Variants in PALM2AKAP2 observed in about 807,000 individuals in gnomAD.
PALM2AKAP2 encodes the protein PALM2 and AKAP2 fusion, also known as PALM2-AKAP2 fusion protein.
A neutral mutation model predicts 71.5 loss-of-function variants in PALM2AKAP2; 37 were observed. The observed-to-expected ratio is 0.52, with a 90% CI of 0.40 to 0.68. The LOEUF is 0.68. Among genes scored for constraint, PALM2AKAP2 ranks in the 30% least tolerant of loss-of-function variants. The pLI, the probability that PALM2AKAP2 is intolerant of heterozygous loss-of-function variation, is 0.00. For synonymous variants in PALM2AKAP2, 468 were observed against 478.8 expected (o/e 0.98, Z 0.29); for missense variants, 1,224 against 1,191.8 (o/e 1.03, Z -0.40).
chr9:109,827,077 C>A (rs1828170098), intron 1 of PALM2AKAP2, among the ~76,000 whole-genome samples: 1 of 152,124 alleles, frequency 6.6e-6, no homozygotes, highest in Admixed American at 6.5e-5. Flanking sequence ...TAGTGTGTCA[C>A]CATAGACTCT....
intron 2 of PALM2AKAP2, among the ~76,000 whole-genome samples, chr9:110,154,645 T>G (rs1034478228): frequency 6.6e-6 from 1 of 152,212 alleles, no homozygotes; most frequent in Non-Finnish European, 1.5e-5. Flanking sequence ...GAAATACTTA[T>G]TATTGTACTG....
chr9:110,081,907 G>A (rs945037309), intron 1 of PALM2AKAP2, among the ~76,000 whole-genome samples: 7 of 152,098 alleles, frequency 4.6e-5, no homozygotes, highest in African/African-American at 1.4e-4. Context: ...ATGCTAAATA[G>A]CCCCAGTTCC....
At chr9:110,002,149 G>C (rs1376854204) in intron 6 of PALM2AKAP2, among the ~76,000 whole-genome samples, 1 of 152,114 alleles carries the variant, frequency 6.6e-6, no homozygotes, top group Non-Finnish European at 1.5e-5. Context: ...TTGGCTGTGG[G>C]TTTGTCATAG....
intron 1 of PALM2AKAP2, among the ~76,000 whole-genome samples, chr9:110,100,337 G>A (rs574908178): frequency 1.2e-4 from 19 of 152,206 alleles, no homozygotes; most frequent in Non-Finnish European, 2.5e-4. Context: ...GCTGATATCT[G>A]TCTACATGTT....
At chr9:110,102,199 C>A (rs530077750) in intron 1 of PALM2AKAP2, among the ~76,000 whole-genome samples, 8 of 152,152 alleles carry the variant, frequency 5.3e-5, no homozygotes, top group Non-Finnish European at 1.0e-4. Context: ...CTTTGTGTCT[C>A]CTCTGCATTT....
intron 1 of PALM2AKAP2, among the ~76,000 whole-genome samples, chr9:109,858,741 C>G (rs1416072291): frequency 6.6e-6 from 1 of 152,188 alleles, no homozygotes; most frequent in Non-Finnish European, 1.5e-5. Context: ...TTTTCCACCA[C>G]AAGGGGCTTA....
At chr9:109,879,273 C>A (rs932746589) in intron 2 of PALM2AKAP2, among the ~76,000 whole-genome samples, 5 of 152,180 alleles carry the variant, frequency 3.3e-5, no homozygotes, top group Admixed American at 6.5e-5. Context: ...AGCCAGGGAG[C>A]CAAAGAGCCA....
At chr9:109,710,613 C>T (rs1173652389) in intron 1 of PALM2AKAP2, among the ~76,000 whole-genome samples, 1 of 152,126 alleles carries the variant, frequency 6.6e-6, no homozygotes, top group Non-Finnish European at 1.5e-5. Context: ...AATGATGATT[C>T]CCTTGAATTC....
chr9:110,168,724 A>C (rs1836794307), exon 4 of PALM2AKAP2: 10 of 495,350 alleles, frequency 2.0e-5, no homozygotes, highest in Non-Finnish European at 3.1e-5. Flanking sequence ...TTTTTTGGTG[A>C]CTCAATCCCA....
At chr9:109,674,594 A>G (rs899664247) in intron 1 of PALM2AKAP2, among the ~76,000 whole-genome samples, 3 of 151,792 alleles carry the variant, frequency 2.0e-5, no homozygotes, top group Non-Finnish European at 4.4e-5. Context: ...TAATGTGTGG[A>G]CCTTTTGGGG....
chr9:109,778,333 C>T (rs188638555), upstream of PALM2AKAP2, among the ~76,000 whole-genome samples: 1 of 152,324 alleles, frequency 6.6e-6, no homozygotes, highest in East Asian at 1.9e-4. Flanking sequence ...CTTTCAACCT[C>T]TCTGGTCTCA....
intron 1 of PALM2AKAP2, among the ~76,000 whole-genome samples, chr9:110,092,132 G>A (rs1025895725): frequency 2.0e-5 from 3 of 152,172 alleles, no homozygotes; most frequent in African/African-American, 7.2e-5. Flanking sequence ...AGGAGTTCAA[G>A]ATCAGCCTGG....
chr9:110,110,542 CT>C (rs559402514), intron 1 of PALM2AKAP2, among the ~76,000 whole-genome samples: 7,674 of 94,268 alleles, frequency 0.081, 77 homozygotes, highest in African/African-American at 0.12. Flanking sequence ...TTTCTGAACT[CT>C]TTTTTTTTTT....
intron 6 of PALM2AKAP2, among the ~76,000 whole-genome samples, chr9:110,012,006 C>A (rs955235875): frequency 9.2e-5 from 14 of 152,146 alleles, no homozygotes; most frequent in African/African-American, 3.4e-4. Context: ...CTGAAAAGCC[C>A]TTTTTAGGCT....
intron 7 of PALM2AKAP2, among the ~76,000 whole-genome samples, chr9:110,022,445 G>T (rs1290456313): frequency 6.6e-6 from 1 of 152,156 alleles, no homozygotes; most frequent in Non-Finnish European, 1.5e-5. Context: ...TTTTTTAAAA[G>T]CCCCTGGCTT....
At chr9:109,984,129 A>C (rs1299851811) in intron 6 of PALM2AKAP2, among the ~76,000 whole-genome samples, 1 of 152,148 alleles carries the variant, frequency 6.6e-6, no homozygotes, top group African/African-American at 2.4e-5. Context: ...TTCTCCATTG[A>C]CTTTGAGACC....
At chr9:109,832,552 C>T (rs1587942436) in intron 1 of PALM2AKAP2, among the ~76,000 whole-genome samples, 2 of 152,228 alleles carry the variant, frequency 1.3e-5, no homozygotes, top group Non-Finnish European at 2.9e-5. Flanking sequence ...TTGGTTGCTG[C>T]TTTCAGAAGA....
intron 1 of PALM2AKAP2, among the ~76,000 whole-genome samples, chr9:110,084,950 C>T (rs1359234408): frequency 6.6e-6 from 1 of 151,878 alleles, no homozygotes; most frequent in African/African-American, 2.4e-5. Context: ...CTGTGTTAGT[C>T]AGGATGGTCT....
rs557290233 is a variant in PALM2AKAP2 at position 110,162,616 on chromosome 9, T to C, written c.2749-5783T>C. ...GATGAACCATCCTAATCTACAGATT[T>C]ATCAAATGTAAACCATCCTAGACCT... On this transcript the variant is annotated intron_variant, in intron 3 of 3. Coordinates refer to ENST00000374525, the Ensembl canonical transcript of PALM2AKAP2. Among the ~76,000 whole-genome samples the C allele has an allele frequency of 5.2e-3, 789 of 152,298 alleles. 12 individuals carry two copies. Among genetic ancestry groups the C allele is most frequent in the African/African-American group, 0.018 (745 of 41,546 alleles).
Sources: allele counts gnomAD v4.1 joint callset (sites outside exome capture counted in the v4.1 genomes callset), GRCh38; gene constraint gnomAD v4.1.1; transcripts MANE v1.5; gene names NCBI Gene and HGNC (gene_info 2026-07-23, HGNC 2026-07-21).